The following PDZRN3 variants were observed in gnomAD, a reference collection of about 807,000 sequenced individuals.
PDZRN3 encodes the protein PDZ domain containing ring finger 3, also known as E3 ubiquitin-protein ligase PDZRN3.
In PDZRN3, 38 loss-of-function variants were observed where a neutral mutation model predicts 85.7. The ratio of observed to expected loss-of-function variants is 0.44; its 90% CI spans 0.34 to 0.58. The LOEUF (loss-of-function observed/expected upper bound fraction) is 0.58. Ranked by LOEUF, PDZRN3 falls within the 20% of genes least tolerant of loss-of-function variation. The pLI, the probability that PDZRN3 is intolerant of heterozygous loss-of-function variation, is 0.01. For missense variants in PDZRN3, 1,629 were observed against 1,506.4 expected (o/e 1.08, Z -1.35); for synonymous variants, 759 against 638.0 (o/e 1.19, Z -2.86).
At chr3:73,521,507 T>G (rs894146885) in intron 3 of PDZRN3, among the ~76,000 whole-genome samples, 3 of 152,058 alleles carry the variant, frequency 2.0e-5, no homozygotes, top group African/African-American at 7.2e-5. Context: ...TAAAAACTTG[T>G]TGAGTCTCTC....
At position 73,383,508 on chromosome 3, in the gene PDZRN3, G is replaced by A; in HGVS notation, c.3058C>T (p.Leu1020=). 2.5e-6 allele frequency: 4 copies of A among 1,614,142 alleles called. No individual in the cohort carries two copies. The highest frequency in any genetic ancestry group is 3.4e-6 in the Non-Finnish European group (4 of 1,180,000). Residue 1020 remains leucine, a synonymous_variant, in exon 10 of 10, where the codon CTG becomes TTG. Transcript: ENST00000263666. The part of the protein sequence containing the change: ...DDRKEMNILE[L]SHKKMMKKRN... ...TTCTTCATCATCTTTTTGTGGCTCAGTTCGAGAATGTTCATCTCCTTCCTG... is the reference window on the plus strand; with the variant it reads ...TTCTTCATCATCTTTTTGTGGCTCAATTCGAGAATGTTCATCTCCTTCCTG...
intron 3 of PDZRN3, chr3:73,556,644 T>C (rs552129312): frequency 6.6e-6 from 1 of 152,266 alleles, no homozygotes; most frequent in African/African-American, 2.4e-5. Context: ...GAAGCTGTGG[T>C]AGGGACAACC....
At chr3:73,501,875 G>A (rs1316690443) in intron 3 of PDZRN3, among the ~76,000 whole-genome samples, 2 of 152,100 alleles carry the variant, frequency 1.3e-5, no homozygotes, top group Non-Finnish European at 2.9e-5. Context: ...AATTAGCCGG[G>A]TATGTTGGTA....
At chr3:73,447,675 G>T (rs1039464763) in intron 3 of PDZRN3, among the ~76,000 whole-genome samples, 2 of 152,160 alleles carry the variant, frequency 1.3e-5, no homozygotes, top group Non-Finnish European at 2.9e-5. Context: ...CATAGTTCAA[G>T]ATTTACCTCC....
At chr3:73,538,887 T>A (rs904728914) in intron 3 of PDZRN3, among the ~76,000 whole-genome samples, 10 of 152,200 alleles carry the variant, frequency 6.6e-5, no homozygotes, top group Non-Finnish European at 1.0e-4. Flanking sequence ...GAAGGCTCAC[T>A]GTGTTTCTTT....
chr3:73,584,452 GGTGTGT>G (rs56393203), intron 3 of PDZRN3, among the ~76,000 whole-genome samples: 3,045 of 83,914 alleles, frequency 0.036, 88 homozygotes, highest in African/African-American at 0.11. Flanking sequence ...TTCATTTAAT[GGTGTGT>G]GTGTGTGTGT....
At chr3:73,474,989 T>C (rs1703420497) in intron 3 of PDZRN3, among the ~76,000 whole-genome samples, 1 of 152,174 alleles carries the variant, frequency 6.6e-6, no homozygotes, top group African/African-American at 2.4e-5. Context: ...GAATGGTTAT[T>C]GAAGCTTCCA....
chr3:73,615,701 AT>A (rs1191656082), intron 1 of PDZRN3, among the ~76,000 whole-genome samples: 1 of 152,114 alleles, frequency 6.6e-6, no homozygotes, highest in Non-Finnish European at 1.5e-5. Context: ...CGAGAAATAA[AT>A]TTCTGTTGTT....
intron 3 of PDZRN3, among the ~76,000 whole-genome samples, chr3:73,528,131 G>A (rs959839006): frequency 1.3e-5 from 2 of 152,322 alleles, no homozygotes; most frequent in East Asian, 3.9e-4. Context: ...ATTGAGGGCT[G>A]GATGGCTCCT....
intron 3 of PDZRN3, among the ~76,000 whole-genome samples, chr3:73,507,391 A>C (rs1485641683): frequency 1.3e-5 from 2 of 152,102 alleles, no homozygotes; most frequent in East Asian, 3.9e-4. Context: ...GGCTGGTCTC[A>C]ACTCCTGACC....
At chr3:73,491,448 C>T (rs1482648257) in intron 3 of PDZRN3, among the ~76,000 whole-genome samples, 1 of 152,008 alleles carries the variant, frequency 6.6e-6, no homozygotes, top group Non-Finnish European at 1.5e-5. Flanking sequence ...TTTATATTGC[C>T]AGTTAGGTTT....
intron 4 of PDZRN3, 124 bp from the exon 5 acceptor site, chr3:73,401,133 T>C: frequency 1.4e-6 from 1 of 703,998 alleles, no homozygotes; most frequent in East Asian, 2.6e-5. Context: ...CATGACTCAC[T>C]TCCCTCTGGA....
At chr3:73,482,437 C>T (rs767013429) in intron 3 of PDZRN3, among the ~76,000 whole-genome samples, 2 of 152,172 alleles carry the variant, frequency 1.3e-5, no homozygotes, top group African/African-American at 2.4e-5. Flanking sequence ...TAGATAGACA[C>T]AACCTCTCCT....
chr3:73,410,596 C>CTTGT (rs1425133509), intron 3 of PDZRN3, among the ~76,000 whole-genome samples: 1 of 152,138 alleles, frequency 6.6e-6, no homozygotes, highest in African/African-American at 2.4e-5. Context: ...GGGTAATTTT[C>CTTGT]TTGTTAGAAA....
At chr3:73,557,366 C>G (rs1053240669) in intron 3 of PDZRN3, among the ~76,000 whole-genome samples, 1 of 152,202 alleles carries the variant, frequency 6.6e-6, no homozygotes, top group Non-Finnish European at 1.5e-5. Flanking sequence ...TTAATAAAAT[C>G]TGAAATATCT....
At chr3:73,623,836 G>T in intron 1 of PDZRN3, 1 of 367,754 alleles carries the variant, frequency 2.7e-6, no homozygotes, top group Non-Finnish European at 4.8e-6. Flanking sequence ...ACTTGCTTGT[G>T]AATTCTTTTT....
intron 3 of PDZRN3, among the ~76,000 whole-genome samples, chr3:73,476,694 G>A (rs1233633703): frequency 6.6e-6 from 1 of 152,112 alleles, no homozygotes; most frequent in African/African-American, 2.4e-5. Context: ...ATTTGCTCTG[G>A]GGGAAGCCAG....
intron 3 of PDZRN3, among the ~76,000 whole-genome samples, chr3:73,492,310 T>C (rs1703786521): frequency 6.6e-6 from 1 of 152,228 alleles, no homozygotes; most frequent in South Asian, 2.1e-4. Flanking sequence ...TGGGGATAAC[T>C]AGGGCTCTGG....
chr3:73,510,495 C>T (rs1011197388), intron 3 of PDZRN3, among the ~76,000 whole-genome samples: 2 of 152,170 alleles, frequency 1.3e-5, no homozygotes, highest in African/African-American at 4.8e-5. Context: ...GTGCTCTATG[C>T]CAGTGAAGAG....
Sources: allele counts gnomAD v4.1 joint callset (sites outside exome capture counted in the v4.1 genomes callset), GRCh38; gene constraint gnomAD v4.1.1; transcripts MANE v1.5; gene names NCBI Gene and HGNC (gene_info 2026-07-23, HGNC 2026-07-21).